Variants in GAB4 observed in about 807,000 individuals in gnomAD.
GAB4 encodes the protein GRB2 associated binding protein family member 4, also known as GRB2-associated-binding protein 4.
Under a neutral mutation model 51.3 loss-of-function variants are expected in GAB4, and 26 were observed. The observed-to-expected ratio is 0.51, with a 90% CI of 0.37 to 0.70. GAB4 has a LOEUF of 0.70. Ranked by LOEUF, GAB4 falls within the 30% of genes least tolerant of loss-of-function variation. The pLI, the probability that GAB4 is intolerant of heterozygous loss-of-function variation, is 0.00. For missense variants in GAB4, 759 were observed against 734.6 expected, an observed-to-expected ratio of 1.03 and a Z score of -0.38; for synonymous variants, 329 against 291.2, an observed-to-expected ratio of 1.13 and a Z score of -1.32.
chr22:16,985,933 A>T lies in GAB4; in HGVS notation c.686+2027T>A, dbSNP rs554222338. 2.0e-5 allele frequency among the ~76,000 whole-genome samples: 3 copies of T among 152,376 alleles called. No individual in the cohort carries two copies. In the East Asian group the frequency reaches 5.8e-4, roughly 29 times the overall value. ...TAACATCCAGAACATCTTAACACAG[A>T]AATCCATTAACATGAGGCAGACAGC... On this transcript the variant is annotated intron_variant, in intron 3 of 9. Coordinates refer to ENST00000400588, the MANE Select transcript of GAB4 (RefSeq NM_001037814.1).
At chr22:16,996,466 T>C (rs760094419) in intron 1 of GAB4, among the ~76,000 whole-genome samples, 9 of 151,870 alleles carry the variant, frequency 5.9e-5, no homozygotes, top group Non-Finnish European at 1.2e-4. Flanking sequence ...ACCACCACCA[T>C]GATACTCCTC....
At chr22:16,964,938 G>GA in intron 7 of GAB4, 76 bp from the exon 8 acceptor site, 1 of 1,123,642 alleles carries the variant, frequency 8.9e-7, no homozygotes, top group Non-Finnish European at 1.3e-6. Context: ...CCTCCAGCTG[G>GA]GCCCTGACTT....
intron 3 of GAB4, among the ~76,000 whole-genome samples, chr22:16,976,138 A>G (rs1045685528): frequency 6.6e-6 from 1 of 152,248 alleles, no homozygotes; most frequent in Non-Finnish European, 1.5e-5. Flanking sequence ...ACAACTCCTC[A>G]CCAGAAAGGG....
intron 9 of GAB4, 49 bp from the exon 10 acceptor site, chr22:16,962,925 G>A (rs1433109112): frequency 6.4e-7 from 1 of 1,566,062 alleles, no homozygotes; most frequent in Admixed American, 1.7e-5. Flanking sequence ...GTGAGTTCCT[G>A]GTGAGGAAGG....
intron 1 of GAB4, among the ~76,000 whole-genome samples, chr22:16,998,876 T>G (rs1446778419): frequency 6.6e-6 from 1 of 152,212 alleles, no homozygotes; most frequent in African/African-American, 2.4e-5. Context: ...TCGAAGGCCT[T>G]TTCTGCATCT....
At position 16,970,134 on chromosome 22, in the gene GAB4, A is replaced by G. The variant is rs747521415; in HGVS notation, c.746T>C (p.Met249Thr). The G allele has an allele frequency of 2.5e-6, 4 of 1,614,170 alleles. No homozygotes were observed. Among genetic ancestry groups the G allele is most frequent in the Non-Finnish European group, 3.4e-6 (4 of 1,180,030 alleles). ...APFIMRRNTA[M>T]QNLAQHSGYS... ...TCCACTGTGCTGGGCAAGATTTTGC[A>G]TGGCTGTGTTTCTCCTCATGATGAA... is the stretch of plus-strand genomic sequence containing the variant. The change falls in exon 4 of 10, where the codon ATG becomes ACG. Residue 249 changes from methionine (M) to threonine (T), a missense_variant. Met to Thr is a moderately conservative substitution (Grantham distance 81). This residue lies in a region of GAB4 where 588 missense variants were observed against 510.2 expected (regional missense o/e 1.15). Coordinates refer to ENST00000400588, the MANE Select transcript of GAB4 (RefSeq NM_001037814.1).
At chr22:16,980,714 T>C (rs2060820354) in intron 3 of GAB4, among the ~76,000 whole-genome samples, 1 of 152,220 alleles carries the variant, frequency 6.6e-6, no homozygotes, top group South Asian at 2.1e-4. Flanking sequence ...ACCCGTATGT[T>C]TATTGCAGCA....
At chr22:16,985,820 G>A (rs371212031) in intron 3 of GAB4, among the ~76,000 whole-genome samples, 13 of 152,314 alleles carry the variant, frequency 8.5e-5, no homozygotes, top group East Asian at 7.7e-4. Flanking sequence ...ACCATCAAAC[G>A]CTGATCATGT....
rs952515776 is a variant in GAB4 at position 17,006,991 on chromosome 22, A to G, written c.174+950T>C. On this transcript the variant is annotated intron_variant, in intron 1 of 9. Transcript: ENST00000400588. ...TCCACGTTCTGCACATGTATCCCAGAACTTAAAGTATAATAAAAAATTGAA... is the reference window on the plus strand; with the variant it reads ...TCCACGTTCTGCACATGTATCCCAGGACTTAAAGTATAATAAAAAATTGAA... 5.9e-5 allele frequency among the ~76,000 whole-genome samples: 9 copies of G among 152,176 alleles called. No homozygotes were observed. The South Asian group carries it at 1.2e-3, about 21-fold the overall frequency.
chr22:17,004,663 T>C (rs2123730254), intron 1 of GAB4, among the ~76,000 whole-genome samples: 1 of 151,916 alleles, frequency 6.6e-6, no homozygotes, highest in African/African-American at 2.4e-5. Flanking sequence ...AACTAAGTAT[T>C]GATGGAACGT....
intron 5 of GAB4, chr22:16,966,746 A>C (rs2060679684): frequency 4.8e-6 from 1 of 209,150 alleles, no homozygotes; most frequent in Non-Finnish European, 9.8e-6. Flanking sequence ...TTAAGGTCAG[A>C]GTAAATGCCT....
chr22:17,000,116 T>C (rs2060985439), intron 1 of GAB4, among the ~76,000 whole-genome samples: 1 of 152,208 alleles, frequency 6.6e-6, no homozygotes, highest in South Asian at 2.1e-4. Context: ...GTGTATATTC[T>C]GTTGATTTGG....
chr22:16,963,239 T>C (rs1160465485), intron 9 of GAB4, among the ~76,000 whole-genome samples: 1 of 152,056 alleles, frequency 6.6e-6, no homozygotes, highest in Non-Finnish European at 1.5e-5. Flanking sequence ...GTGAGCCCTA[T>C]CTCCCCAAGG....
At chr22:16,974,918 C>G (rs558845046) in intron 3 of GAB4, among the ~76,000 whole-genome samples, 1 of 152,294 alleles carries the variant, frequency 6.6e-6, no homozygotes, top group South Asian at 2.1e-4. Flanking sequence ...TGTTGGGGAA[C>G]TCCCTCCCTT....
intron 3 of GAB4, among the ~76,000 whole-genome samples, chr22:16,975,043 C>T (rs544348501): frequency 1.3e-3 from 193 of 152,306 alleles, no homozygotes; most frequent in African/African-American, 4.0e-3. Flanking sequence ...GGTGCCTACA[C>T]CACCAGGGCC....
intron 5 of GAB4, 67 bp from the exon 6 acceptor site, chr22:16,966,431 T>G: frequency 6.7e-7 from 1 of 1,499,334 alleles, no homozygotes; most frequent in Non-Finnish European, 9.0e-7. Flanking sequence ...TGAGAATTTC[T>G]AGACAAGGCC....
chr22:16,987,843 T>A, intron 3 of GAB4, 117 bp downstream of exon 3: 2 of 756,264 alleles, frequency 2.6e-6, no homozygotes, highest in Non-Finnish European at 4.3e-6. Flanking sequence ...TATGTTTGCT[T>A]ACCTGGAAAG....
chr22:16,967,672 C>T (rs1282786846), intron 5 of GAB4, among the ~76,000 whole-genome samples: 1 of 152,214 alleles, frequency 6.6e-6, no homozygotes, highest in African/African-American at 2.4e-5. Flanking sequence ...CTAGGTACAG[C>T]CTTCCTCCAG....
chr22:16,971,127 G>A (rs543825226), intron 3 of GAB4, among the ~76,000 whole-genome samples: 40 of 152,252 alleles, frequency 2.6e-4, no homozygotes, highest in African/African-American at 9.1e-4. Flanking sequence ...CCAGGAGGCC[G>A]AGGCTGCAGT....
Sources: gnomAD v4.1 joint callset for allele counts (sites outside exome capture counted in the v4.1 genomes callset) on GRCh38, gnomAD v4.1.1 for gene constraint, gnomAD v4.1.1 regional missense constraint, MANE v1.5 for transcripts, NCBI Gene and HGNC (gene_info 2026-07-23, HGNC 2026-07-21) for gene names.